Variants in SEC14L5 observed in about 807,000 individuals in gnomAD.
The protein encoded by SEC14L5 is SEC14 like lipid binding 5.
Under a neutral mutation model 84.6 loss-of-function variants are expected in SEC14L5, and 96 were observed. The observed-to-expected ratio is 1.13, with a 90% confidence interval of 0.96 to 1.34. SEC14L5 has a LOEUF of 1.34. Ranked by LOEUF, SEC14L5 falls within the 40% of genes most tolerant of loss-of-function variation. SEC14L5 has a pLI of 0.00. For synonymous variants in SEC14L5, 546 were observed against 383.4 expected (o/e 1.42, Z -4.95); for missense variants, 1,224 against 942.5 (o/e 1.30, Z -3.91).
At position 5,015,035 on chromosome 16, in the gene SEC14L5, C is replaced by T. The variant is rs1955858188; in HGVS notation, c.*65C>T. On this transcript the variant is annotated 3_prime_UTR_variant, in exon 16 of 16. Coordinates refer to ENST00000251170, the MANE Select transcript of SEC14L5 (RefSeq NM_014692.2). ...GTCCAGAAATGTCCAGAATGAGAAG[C>T]CAGCTAACTGCAGGGCCTGGGACCA... is the stretch of plus-strand genomic sequence containing the variant. 1 of 1,283,912 alleles carries T rather than the reference C, an allele frequency of 7.8e-7. No individual in the cohort carries two copies. The highest frequency in any genetic ancestry group is 1.2e-5 in the South Asian group (1 of 82,180). The allele number at this position is 1,283,912 out of a possible 1,614,324, so 79.5% of individuals were successfully genotyped here.
chr16:4,981,119 CTTTA>C (rs766070410), intron 2 of SEC14L5, among the ~76,000 whole-genome samples: 11 of 152,066 alleles, frequency 7.2e-5, no homozygotes, highest in South Asian at 2.1e-4. Flanking sequence ...TTCTTTCTTT[CTTTA>C]TTTATTTATT....
At chr16:4,958,684 G>A (rs1955083546) in intron 1 of SEC14L5, among the ~76,000 whole-genome samples, 1 of 152,228 alleles carries the variant, frequency 6.6e-6, no homozygotes. Context: ...GGGGAATTGC[G>A]TGCGTGGAGC....
intron 10 of SEC14L5, among the ~76,000 whole-genome samples, chr16:5,001,622 C>G (rs117187061): frequency 0.032 from 4,910 of 152,244 alleles, 107 homozygotes; most frequent in Non-Finnish European, 0.048. Context: ...CATGGCACAT[C>G]CAGGAACCCA....
chr16:4,959,450 C>T (rs934311340), intron 2 of SEC14L5, 64 bp downstream of exon 2: 24 of 1,376,644 alleles, frequency 1.7e-5, no homozygotes, highest in Admixed American at 3.4e-5. Context: ...TCAGCTATGG[C>T]GGTAGGAAGA....
Position 5,008,406 on chromosome 16 carries a change from C to G in SEC14L5, c.1573-15C>G. Reference sequence around the variant, plus strand: ...TCTCGGCCGTGACTCTCAGACCTCGCCTGTCTCCACACAGGTGGCCGTGGA... The same window carrying G: ...TCTCGGCCGTGACTCTCAGACCTCGGCTGTCTCCACACAGGTGGCCGTGGA... On this transcript the variant is annotated splice_polypyrimidine_tract_variant and intron_variant, in intron 13 of 15. Transcript: ENST00000251170. 1.3e-6 allele frequency: 2 copies of G among 1,591,846 alleles called. No individual in the cohort carries two copies. Among genetic ancestry groups the G allele is most frequent in the Non-Finnish European group, 1.7e-6 (2 of 1,164,338 alleles).
rs1214433350 is a variant in SEC14L5, at chr16:4,959,413, C to G, written c.63+27C>G. 3 of 1,607,128 alleles carry G rather than the reference C, an allele frequency of 1.9e-6. No individual in the cohort carries two copies. In the East Asian group the frequency reaches 6.7e-5, roughly 36 times the overall value. ...TGAGTGACTCCTGATTCTTGGGCCCCCATGTGACAGTTGGAGGGGCTTGAG... is the reference window on the plus strand; with the variant it reads ...TGAGTGACTCCTGATTCTTGGGCCCGCATGTGACAGTTGGAGGGGCTTGAG... On this transcript the variant is annotated intron_variant, in intron 2 of 15. Transcript: ENST00000251170.
chr16:4,980,749 C>T (rs1007455919), intron 2 of SEC14L5, among the ~76,000 whole-genome samples: 6 of 152,100 alleles, frequency 3.9e-5, no homozygotes, highest in African/African-American at 1.2e-4. Context: ...AAGAGGCAGT[C>T]GTGCCTAGGA....
chr16:5,003,535 G>C lies in SEC14L5; in HGVS notation c.1264G>C (p.Val422Leu), dbSNP rs748043090. 6 of 1,610,214 alleles carry C rather than the reference G, an allele frequency of 3.7e-6. No individual in the cohort carries two copies. In the South Asian group the frequency reaches 4.4e-5, roughly 12 times the overall value. Residue 422 changes from valine (V) to leucine (L), a missense_variant, in exon 11 of 16, where the codon GTG (valine) becomes CTG (leucine). Physicochemically the swap from Val to Leu is conservative, Grantham distance 32. Coordinates refer to ENST00000251170, the MANE Select transcript of SEC14L5 (RefSeq NM_014692.2). ...AGAGACCCTGGGTCGGCTGCTCATCGTGCGAGCCCCCCGAGTCTTCCCCGT... is the reference window on the plus strand; with the variant it reads ...AGAGACCCTGGGTCGGCTGCTCATCCTGCGAGCCCCCCGAGTCTTCCCCGT... ...YPETLGRLLI[V>L]RAPRVFPVLW...
chr16:5,008,990 G>A (rs1596645188), intron 14 of SEC14L5, among the ~76,000 whole-genome samples: 3 of 152,198 alleles, frequency 2.0e-5, no homozygotes, highest in African/African-American at 7.2e-5. Flanking sequence ...CTGCAGTAAT[G>A]AGTTACCACA....
At chr16:4,979,171 A>G (rs1955388724) in intron 2 of SEC14L5, among the ~76,000 whole-genome samples, 1 of 152,148 alleles carries the variant, frequency 6.6e-6, no homozygotes, top group Non-Finnish European at 1.5e-5. Flanking sequence ...GGGCACAGGG[A>G]GGGTCAGAAA....
chr16:5,010,406 C>A (rs984676620), intron 14 of SEC14L5, among the ~76,000 whole-genome samples: 1 of 151,918 alleles, frequency 6.6e-6, no homozygotes, highest in Non-Finnish European at 1.5e-5. Flanking sequence ...AGAACTTGAA[C>A]GTGTAACTGG....
chr16:4,970,981 G>A (rs1172242100), intron 2 of SEC14L5, among the ~76,000 whole-genome samples: 1 of 152,020 alleles, frequency 6.6e-6, no homozygotes, highest in Non-Finnish European at 1.5e-5. Context: ...GACGGTATGT[G>A]CCTGTAGTCC....
intron 1 of SEC14L5, 126 bp from the exon 2 acceptor site, chr16:4,959,147 G>T: frequency 4.9e-6 from 3 of 617,770 alleles, no homozygotes; most frequent in Non-Finnish European, 8.8e-6. Flanking sequence ...GGGAATATCA[G>T]CCTTCTCAAT....
chr16:5,015,052 C>A lies in SEC14L5; in HGVS notation c.*82C>A, dbSNP rs1955858420. 2.7e-6 allele frequency: 3 copies of A among 1,128,102 alleles called. No homozygotes were observed. The highest frequency in any genetic ancestry group is 3.9e-6 in the Non-Finnish European group (3 of 773,528). 69.9% of individuals were successfully genotyped at this position (1,128,102 alleles called of 1,614,324 possible). ...ATGAGAAGCCAGCTAACTGCAGGGC[C>A]TGGGACCATGTGGGCTGGAGCCCCA... On this transcript the variant is annotated 3_prime_UTR_variant, in exon 16 of 16. Coordinates refer to ENST00000251170, the MANE Select transcript of SEC14L5 (RefSeq NM_014692.2).
At chr16:4,998,215 A>C (rs973794494) in intron 8 of SEC14L5, among the ~76,000 whole-genome samples, 12 of 151,432 alleles carry the variant, frequency 7.9e-5, no homozygotes, top group African/African-American at 2.9e-4. Context: ...CATGTTGGCC[A>C]GGCTGTTCTT....
At chr16:4,983,877 C>CAAATAAAT (rs71139670) in intron 2 of SEC14L5, among the ~76,000 whole-genome samples, 7 of 144,166 alleles carry the variant, frequency 4.9e-5, no homozygotes, top group South Asian at 2.2e-4. Context: ...AACTCTGTCT[C>CAAATAAAT]AAATAAATAA....
chr16:5,003,604 C>T (rs764546756), intron 11 of SEC14L5, 31 bp downstream of exon 11: 5 of 349,850 alleles, frequency 1.4e-5, no homozygotes, highest in African/African-American at 7.4e-5. Flanking sequence ...CAGGACTCTC[C>T]CTGGGGGTGG....
chr16:5,013,649 C>T (rs541595787), intron 15 of SEC14L5, among the ~76,000 whole-genome samples: 2 of 150,202 alleles, frequency 1.3e-5, no homozygotes, highest in Non-Finnish European at 3.0e-5. Context: ...ACCTCCGCCT[C>T]CTGGGTTCAA....
chr16:4,959,777 A>G (rs1183035333), intron 2 of SEC14L5, among the ~76,000 whole-genome samples: 1 of 152,200 alleles, frequency 6.6e-6, no homozygotes, highest in East Asian at 1.9e-4. Flanking sequence ...GTCTTAACAG[A>G]TGATGTTTCT....
Sources: gnomAD v4.1 joint callset for allele counts (sites outside exome capture counted in the v4.1 genomes callset) on GRCh38, gnomAD v4.1.1 for gene constraint, MANE v1.5 for transcripts, NCBI Gene and HGNC (gene_info 2026-07-23, HGNC 2026-07-21) for gene names.